FERMT2: variants seen among roughly 807,000 people sequenced by gnomAD.
FERMT2 encodes the protein FERM domain containing kindlin 2.
FERMT2 carries 15 observed loss-of-function variants against 82.7 expected under a neutral mutation model. That is an observed-to-expected ratio of 0.18 (90% CI 0.12 to 0.28). The LOEUF is 0.28. FERMT2 is among the 10% of genes least tolerant of loss of function. The pLI, the probability that FERMT2 is intolerant of heterozygous loss-of-function variation, is 1.00. For synonymous variants in FERMT2, 274 were observed against 271.5 expected (o/e 1.01, Z -0.09); for missense variants, 645 against 809.4 (o/e 0.80, Z 2.46).
intron 9 of FERMT2, chr14:52,873,637 T>C (rs1885766511): frequency 6.6e-6 from 1 of 152,392 alleles, no homozygotes; most frequent in South Asian, 2.1e-4. Context: ...TCTTATATAG[T>C]AGAAAATAGT....
intron 2 of FERMT2, among the ~76,000 whole-genome samples, chr14:52,947,290 T>C (rs1041384865): frequency 6.6e-6 from 1 of 152,136 alleles, no homozygotes; most frequent in African/African-American, 2.4e-5. Context: ...CCATCCCGGT[T>C]AACACGGTGA....
rs908198556 is a variant in FERMT2, at chr14:52,892,536, C to T, written c.526+757G>A. Among the ~76,000 whole-genome samples the T allele has an allele frequency of 3.3e-5, 5 of 150,636 alleles. No homozygotes were observed. In the East Asian group the frequency reaches 9.8e-4, roughly 29 times the overall value. On this transcript the variant is annotated intron_variant, in intron 4 of 14. Transcript: ENST00000341590. ...GTGGCACGATCTCAGCTCACTGCAA[C>T]TCCCACCTCTTGGGTTCAGGTGATT...
At chr14:52,926,192 A>G (rs1478402864) in intron 2 of FERMT2, among the ~76,000 whole-genome samples, 1 of 148,110 alleles carries the variant, frequency 6.8e-6, no homozygotes, top group African/African-American at 2.5e-5. Flanking sequence ...ATACTACTGT[A>G]TCACTAAAGT....
intron 12 of FERMT2, 139 bp downstream of exon 12, chr14:52,864,262 C>T: frequency 3.2e-6 from 2 of 629,016 alleles, no homozygotes; most frequent in Non-Finnish European, 5.5e-6. Flanking sequence ...ATTAGGGATA[C>T]TCTAACTGTA....
In FERMT2 at chr14:52,858,454, G is replaced by T; in HGVS notation, c.1966C>A (p.Leu656Ile). ...TTTTGGTCTTTTGCACGTGTTGAGAGAAATATGTAGCCACCAATGAATTCA... is the reference window on the plus strand; with the variant it reads ...TTTTGGTCTTTTGCACGTGTTGAGATAAATATGTAGCCACCAATGAATTCA... ...VHEFIGGYIF[L>I]STRAKDQNES... The change falls in exon 15 of 15, where the codon CTC (leucine) becomes ATC (isoleucine). Residue 656 changes from leucine (L) to isoleucine (I), a missense_variant. Coordinates refer to ENST00000341590, the MANE Select transcript of FERMT2 (RefSeq NM_006832.3). 1.2e-6 allele frequency: 2 copies of T among 1,614,090 alleles called. No individual in the cohort carries two copies. The highest frequency in any genetic ancestry group is 1.7e-6 in the Non-Finnish European group (2 of 1,179,968).
At chr14:52,908,321 C>T (rs75366390) in intron 3 of FERMT2, among the ~76,000 whole-genome samples, 2,935 of 152,210 alleles carry the variant, frequency 0.019, 85 homozygotes, top group African/African-American at 0.066. Flanking sequence ...AGAAACCTAC[C>T]GTAGTTTTTA....
chr14:52,879,908 C>A (rs1226162582), intron 6 of FERMT2, among the ~76,000 whole-genome samples: 2 of 152,028 alleles, frequency 1.3e-5, no homozygotes, highest in African/African-American at 4.8e-5. Context: ...GAGATAATAC[C>A]AATCATAGTA....
chr14:52,895,858 C>T (rs1315224001), intron 3 of FERMT2, among the ~76,000 whole-genome samples: 1 of 151,928 alleles, frequency 6.6e-6, no homozygotes, highest in Non-Finnish European at 1.5e-5. Flanking sequence ...AAAGAAAAGC[C>T]GCAGAAAGGA....
At chr14:52,925,939 C>G (rs570884130) in intron 2 of FERMT2, among the ~76,000 whole-genome samples, 14 of 152,214 alleles carry the variant, frequency 9.2e-5, no homozygotes, top group South Asian at 8.3e-4. Context: ...CCACCGCGCC[C>G]GGCACAGATG....
intron 7 of FERMT2, among the ~76,000 whole-genome samples, chr14:52,876,447 A>C (rs1176521265): frequency 2.0e-5 from 3 of 152,164 alleles, no homozygotes; most frequent in Non-Finnish European, 2.9e-5. Flanking sequence ...CTGATTCAGG[A>C]AGTCTGGGGT....
intron 2 of FERMT2, among the ~76,000 whole-genome samples, chr14:52,926,153 T>A (rs886993624): frequency 3.5e-4 from 4 of 11,516 alleles, no homozygotes; most frequent in African/African-American, 4.2e-4. Context: ...GACTTTAAAA[T>A]ACTTACGAAT....
At chr14:52,935,988 C>T (rs976210715) in intron 2 of FERMT2, among the ~76,000 whole-genome samples, 5 of 152,122 alleles carry the variant, frequency 3.3e-5, no homozygotes, top group African/African-American at 1.2e-4. Flanking sequence ...TTATTAATTT[C>T]CAGAGGGTGG....
intron 3 of FERMT2, among the ~76,000 whole-genome samples, chr14:52,916,436 A>G (rs1225838359): frequency 6.6e-6 from 1 of 152,190 alleles, no homozygotes; most frequent in East Asian, 1.9e-4. Flanking sequence ...TACGAGGTGA[A>G]AGAAACCAAT....
chr14:52,870,887 G>C (rs1023336312), intron 10 of FERMT2, among the ~76,000 whole-genome samples: 10 of 152,290 alleles, frequency 6.6e-5, no homozygotes, highest in Non-Finnish European at 1.2e-4. Context: ...AAATTGTTTT[G>C]GGAGTCATTT....
At chr14:52,886,011 TA>T (rs1886581279) in intron 4 of FERMT2, among the ~76,000 whole-genome samples, 1 of 151,218 alleles carries the variant, frequency 6.6e-6, no homozygotes, top group African/African-American at 2.4e-5. Context: ...AGTAACACAT[TA>T]AAATTTTAAT....
At chr14:52,901,348 T>G (rs1887638704) in intron 3 of FERMT2, among the ~76,000 whole-genome samples, 2 of 149,496 alleles carry the variant, frequency 1.3e-5, no homozygotes, top group Non-Finnish European at 3.0e-5. Context: ...TACTAGACAC[T>G]TGAGAAAGGC....
At chr14:52,863,428 C>A (rs1278812241) in intron 12 of FERMT2, 1 of 152,094 alleles carries the variant, frequency 6.6e-6, no homozygotes, top group African/African-American at 2.4e-5. Context: ...TTTTAAAGGT[C>A]TTCGTCTCCC....
intron 2 of FERMT2, among the ~76,000 whole-genome samples, chr14:52,931,459 T>C (rs1889564454): frequency 6.6e-6 from 1 of 152,060 alleles, no homozygotes; most frequent in Non-Finnish European, 1.5e-5. Flanking sequence ...CAAATTAGAG[T>C]CTGGCAGAAA....
chr14:52,872,906 A>C lies in FERMT2; in HGVS notation c.1166T>G (p.Leu389Arg), dbSNP rs1164214484. The C allele has an allele frequency of 6.2e-7, 1 of 1,613,864 alleles. No individual in the cohort carries two copies. The highest frequency in any genetic ancestry group is 1.7e-5 in the Admixed American group (1 of 60,012). Residue 389 changes from leucine (L) to arginine (R), a missense_variant, in exon 10 of 15, where the codon CTG (leucine) becomes CGG (arginine). Coordinates refer to ENST00000341590, the MANE Select transcript of FERMT2 (RefSeq NM_006832.3). ...GCACCAATATTGTTTGTAACCTTTC[A>C]GAGTCAGCTTTTTTGGCCTATGTAT... ...IKVFKPKKLT[L>R]KGYKQYWCTF...
Sources: allele counts gnomAD v4.1 joint callset (sites outside exome capture counted in the v4.1 genomes callset), GRCh38; gene constraint gnomAD v4.1.1; transcripts MANE v1.5; gene names NCBI Gene and HGNC (gene_info 2026-07-23, HGNC 2026-07-21).